The following GRID2 variants were observed in gnomAD, a reference collection of about 807,000 sequenced individuals.
GRID2 encodes the protein glutamate ionotropic receptor delta type subunit 2, also known as glutamate receptor ionotropic, delta-2.
GRID2 carries 33 observed loss-of-function variants against 114.8 expected under a neutral mutation model. The ratio of observed to expected loss-of-function variants is 0.29; its 90% CI spans 0.22 to 0.38. The LOEUF is 0.38. Among genes scored for constraint, GRID2 ranks in the 10% least tolerant of loss-of-function variants. The pLI, the probability that GRID2 is intolerant of heterozygous loss-of-function variation, is 1.00. For missense variants in GRID2, 1,184 were observed against 1,257.7 expected (o/e 0.94, Z 0.89); for synonymous variants, 505 against 449.9 (o/e 1.12, Z -1.55).
intron 14 of GRID2, among the ~76,000 whole-genome samples, chr4:93,661,489 G>A (rs1723485965): frequency 6.6e-6 from 1 of 152,252 alleles, no homozygotes; most frequent in South Asian, 2.1e-4. Flanking sequence ...GAGAAAATAT[G>A]TGTGTTCAAT....
chr4:92,756,501 G>A (rs1290689426), intron 2 of GRID2, among the ~76,000 whole-genome samples: 1 of 152,002 alleles, frequency 6.6e-6, no homozygotes, highest in Non-Finnish European at 1.5e-5. Context: ...TCTAATTTTA[G>A]TTTTTTGAGA....
chr4:93,717,250 C>T (rs1290323507), intron 14 of GRID2, among the ~76,000 whole-genome samples: 1 of 151,990 alleles, frequency 6.6e-6, no homozygotes, highest in Non-Finnish European at 1.5e-5. Flanking sequence ...CCTGTTGGAA[C>T]TTTATGGGGT....
At chr4:93,274,802 C>G (rs1049806987) in intron 8 of GRID2, among the ~76,000 whole-genome samples, 2 of 151,954 alleles carry the variant, frequency 1.3e-5, no homozygotes, top group Admixed American at 6.6e-5. Flanking sequence ...ACATCATGTA[C>G]GTGTCACAAA....
intron 1 of GRID2, among the ~76,000 whole-genome samples, chr4:92,403,828 A>G (rs187871724): frequency 2.0e-5 from 3 of 152,278 alleles, no homozygotes; most frequent in Non-Finnish European, 4.4e-5. Flanking sequence ...TATTGCTAAA[A>G]TAGATAATAG....
chr4:93,511,033 T>A (rs1729113095), intron 12 of GRID2, among the ~76,000 whole-genome samples: 1 of 152,116 alleles, frequency 6.6e-6, no homozygotes. Flanking sequence ...GCCTTCTGGG[T>A]TCAAGTGATT....
intron 8 of GRID2, among the ~76,000 whole-genome samples, chr4:93,285,298 C>G (rs1257501464): frequency 6.6e-6 from 1 of 152,024 alleles, no homozygotes; most frequent in Non-Finnish European, 1.5e-5. Context: ...GTTTGAGAAA[C>G]CCTATATGCC....
chr4:92,589,366 G>A (rs1404685003), intron 1 of GRID2, among the ~76,000 whole-genome samples: 1 of 152,210 alleles, frequency 6.6e-6, no homozygotes, highest in Admixed American at 6.5e-5. Context: ...GTTGCTCAAG[G>A]TCGTATACTT....
chr4:93,701,272 A>G (rs75775252), intron 14 of GRID2, among the ~76,000 whole-genome samples: 1,646 of 152,314 alleles, frequency 0.011, 25 homozygotes, highest in African/African-American at 0.038. Flanking sequence ...AAAAGTTGGA[A>G]CGAGTTTAGA....
intron 8 of GRID2, among the ~76,000 whole-genome samples, chr4:93,390,574 CTCAA>C (rs1388997454): frequency 2.6e-5 from 4 of 152,268 alleles, no homozygotes; most frequent in Middle Eastern, 6.8e-3. Context: ...GGTACTTGAA[CTCAA>C]TCAGTCTTCT....
At chr4:93,656,185 AT>A (rs1722975399) in intron 14 of GRID2, among the ~76,000 whole-genome samples, 1 of 151,964 alleles carries the variant, frequency 6.6e-6, no homozygotes. Flanking sequence ...TGAGAAAAAA[AT>A]AATTGTTTAC....
At chr4:92,552,020 C>T (rs543298036) in intron 1 of GRID2, among the ~76,000 whole-genome samples, 302 of 151,996 alleles carry the variant, frequency 2.0e-3, no homozygotes, top group Non-Finnish European at 3.0e-3. Flanking sequence ...ATTAGAGGAA[C>T]AGTGACAATT....
chr4:93,081,530 T>C (rs1729869272), intron 2 of GRID2, among the ~76,000 whole-genome samples: 2 of 152,168 alleles, frequency 1.3e-5, no homozygotes, highest in African/African-American at 4.8e-5. Context: ...AAATAATAGT[T>C]GTGCTTTTGG....
intron 1 of GRID2, among the ~76,000 whole-genome samples, chr4:92,492,855 G>T (rs962605738): frequency 2.6e-5 from 4 of 152,016 alleles, no homozygotes; most frequent in Admixed American, 6.6e-5. Flanking sequence ...TAGGCCAGGC[G>T]CAGTGGCTCA....
chr4:92,694,422 A>G (rs953160143), intron 2 of GRID2, among the ~76,000 whole-genome samples: 8 of 152,198 alleles, frequency 5.3e-5, no homozygotes, highest in Non-Finnish European at 1.2e-4. Flanking sequence ...TTGTCCTTCC[A>G]TCTGTGTTCA....
intron 4 of GRID2, among the ~76,000 whole-genome samples, chr4:93,137,705 A>G (rs1164897897): frequency 6.6e-6 from 1 of 152,132 alleles, no homozygotes; most frequent in Non-Finnish European, 1.5e-5. Flanking sequence ...AATGAGTTTC[A>G]TCTCCATGAA....
intron 2 of GRID2, among the ~76,000 whole-genome samples, chr4:92,806,632 A>G (rs1200677618): frequency 6.6e-6 from 1 of 151,944 alleles, no homozygotes; most frequent in East Asian, 1.9e-4. Flanking sequence ...TATATTGTAC[A>G]TACCAAATAT....
At chr4:93,168,068 C>T (rs1267453526) in intron 4 of GRID2, among the ~76,000 whole-genome samples, 1 of 151,974 alleles carries the variant, frequency 6.6e-6, no homozygotes, top group Non-Finnish European at 1.5e-5. Flanking sequence ...TAGTGGTGCA[C>T]TCTTGTAATC....
At chr4:92,491,650 G>T (rs540612136) in intron 1 of GRID2, among the ~76,000 whole-genome samples, 1 of 151,980 alleles carries the variant, frequency 6.6e-6, no homozygotes, top group South Asian at 2.1e-4. Flanking sequence ...CTCATGGATA[G>T]ATGGAATTTG....
At chr4:92,781,446 T>G (rs1739070306) in intron 2 of GRID2, among the ~76,000 whole-genome samples, 1 of 152,098 alleles carries the variant, frequency 6.6e-6, no homozygotes, top group Non-Finnish European at 1.5e-5. Context: ...TTATTTCCCA[T>G]GCAATATAAA....
Sources: allele counts gnomAD v4.1 joint callset (sites outside exome capture counted in the v4.1 genomes callset), GRCh38; gene constraint gnomAD v4.1.1; transcripts MANE v1.5; gene names NCBI Gene and HGNC (gene_info 2026-07-23, HGNC 2026-07-21).